Variants in TRMT9B observed in about 807,000 individuals in gnomAD.
TRMT9B encodes the protein tRNA methyltransferase 9B (putative).
TRMT9B carries 16 observed loss-of-function variants against 11.5 expected under a neutral mutation model. The ratio of observed to expected loss-of-function variants is 1.39; its 90% CI spans 0.94 to 2.11. The LOEUF (loss-of-function observed/expected upper bound fraction) is 2.11. Among genes scored for constraint, TRMT9B ranks in the 30% most tolerant of loss-of-function variants. TRMT9B has a pLI of 0.00. For missense variants in TRMT9B, 941 were observed against 553.8 expected (o/e 1.70, Z -7.02); for synonymous variants, 274 against 192.4 (o/e 1.42, Z -3.51).
intron 1 of TRMT9B, among the ~76,000 whole-genome samples, chr8:12,954,544 A>T (rs950813789): frequency 6.6e-6 from 1 of 152,232 alleles, no homozygotes; most frequent in East Asian, 1.9e-4. Flanking sequence ...GGTATAATGC[A>T]TTATTGAAAT....
chr8:12,996,551 A>G (rs918001196), intron 2 of TRMT9B, among the ~76,000 whole-genome samples: 4 of 152,146 alleles, frequency 2.6e-5, no homozygotes, highest in African/African-American at 9.7e-5. Context: ...GTGATCTCCA[A>G]TTTCTAGCTG....
intron 2 of TRMT9B, among the ~76,000 whole-genome samples, chr8:13,005,931 A>G (rs556817161): frequency 1.3e-5 from 2 of 152,256 alleles, no homozygotes; most frequent in Non-Finnish European, 2.9e-5. Flanking sequence ...TTAAGAATTC[A>G]TCTTGTACAG....
chr8:12,987,916 C>G (rs949368627), intron 1 of TRMT9B, among the ~76,000 whole-genome samples: 4 of 152,064 alleles, frequency 2.6e-5, no homozygotes, highest in African/African-American at 9.7e-5. Context: ...AGGATCCCAC[C>G]GCATGTCATT....
At chr8:13,002,467 T>G (rs368346635) in intron 2 of TRMT9B, among the ~76,000 whole-genome samples, 2 of 152,206 alleles carry the variant, frequency 1.3e-5, no homozygotes. Flanking sequence ...CTTCGTAAAT[T>G]TCAGTTGAAG....
chr8:13,003,265 C>T (rs996923375), intron 2 of TRMT9B, among the ~76,000 whole-genome samples: 1 of 152,158 alleles, frequency 6.6e-6, no homozygotes, highest in Non-Finnish European at 1.5e-5. Context: ...TACTTTCATA[C>T]TGATGGGTAA....
chr8:13,014,297 A>C (rs1440056637), intron 4 of TRMT9B, among the ~76,000 whole-genome samples: 1 of 152,216 alleles, frequency 6.6e-6, no homozygotes, highest in Non-Finnish European at 1.5e-5. Flanking sequence ...GCTATAGCAA[A>C]ATACCATAGA....
In TRMT9B at chr8:12,987,704, T is replaced by C. The variant is rs200089849; in HGVS notation, c.-199-3130T>C. On this transcript the variant is annotated intron_variant, in intron 1 of 4. Transcript: ENST00000524591. Reference sequence around the variant, plus strand: ...GAATACCCTGTCTCAAAAAAAAAAATGCATTTAATACAACTAACCTACAGA... The same window carrying C: ...GAATACCCTGTCTCAAAAAAAAAAACGCATTTAATACAACTAACCTACAGA... Among the ~76,000 whole-genome samples the C allele has an allele frequency of 0.013, 1,892 of 148,288 alleles. 100 individuals carry two copies. In the East Asian group the frequency reaches 0.16, roughly 12 times the overall value.
At chr8:13,011,955 G>A in intron 3 of TRMT9B, 2 of 985,328 alleles carry the variant, frequency 2.0e-6, no homozygotes, top group South Asian at 9.4e-5. Context: ...TCAGCAAGTG[G>A]TAAGAATCTT....
Position 13,028,556 on chromosome 8 carries a change from A to ACTTTTCTCTTTT in TRMT9B, c.*6520_*6531dup, listed in dbSNP as rs2128907697. 1 of 57,326 alleles carries ACTTTTCTCTTTT rather than the reference A, an allele frequency of 1.7e-5. No homozygotes were observed. Among genetic ancestry groups the ACTTTTCTCTTTT allele is most frequent in the South Asian group, 6.3e-4 (1 of 1,594 alleles). The allele number at this position is 57,326 out of a possible 1,614,324, so 3.6% of individuals were successfully genotyped here. A position where few individuals can be genotyped will look rare whatever the true frequency, so the allele number is the denominator to read the frequency against. On this transcript the variant is annotated 3_prime_UTR_variant, in exon 5 of 5. Transcript: ENST00000524591. The stretch of plus-strand genomic sequence containing the variant: ...GCAAGAATTTGGCTAAGTGATAAGC[A>ACTTTTCTCTTTT]CTTTTCTCTTTTCTTTTCTTTTTTT...
At position 12,992,736 on chromosome 8, in the gene TRMT9B, C is replaced by T. The variant is rs150478007; in HGVS notation, c.-2+1705C>T. Among the ~76,000 whole-genome samples the T allele has an allele frequency of 2.3e-3, 355 of 151,978 alleles. 1 individual carries two copies. The highest frequency in any genetic ancestry group is 6.8e-3 in the Middle Eastern group (2 of 292). On this transcript the variant is annotated intron_variant, in intron 2 of 4. Transcript: ENST00000524591. The stretch of plus-strand genomic sequence containing the variant: ...AAAAGCCAGGTGTGACGGCATGCAC[C>T]TGTGGTCTTGTGGTCCCAGCTACTC...
chr8:13,005,718 G>A (rs17123313), intron 2 of TRMT9B, among the ~76,000 whole-genome samples: 2,985 of 152,250 alleles, frequency 0.02, 87 homozygotes, highest in African/African-American at 0.068. Flanking sequence ...AAAGAAATGG[G>A]CACCTATACT....
chr8:12,983,738 TC>T (rs1341706889), intron 1 of TRMT9B, among the ~76,000 whole-genome samples: 2 of 152,108 alleles, frequency 1.3e-5, no homozygotes, highest in Non-Finnish European at 2.9e-5. Context: ...CTCTTTTTGG[TC>T]CCTCAACTGC....
At chr8:12,980,181 C>A (rs149562399) in intron 1 of TRMT9B, among the ~76,000 whole-genome samples, 2 of 152,080 alleles carry the variant, frequency 1.3e-5, no homozygotes, top group Non-Finnish European at 2.9e-5. Flanking sequence ...AAGTTGTCAG[C>A]GGGGCCTGCT....
chr8:13,015,830 A>T (rs550225695), intron 4 of TRMT9B, among the ~76,000 whole-genome samples: 1 of 152,130 alleles, frequency 6.6e-6, no homozygotes, highest in African/African-American at 2.4e-5. Flanking sequence ...AATGGAGCAC[A>T]CCTAGTTACC....
intron 1 of TRMT9B, among the ~76,000 whole-genome samples, chr8:12,958,161 G>C (rs1264920814): frequency 6.6e-6 from 1 of 152,156 alleles, no homozygotes; most frequent in African/African-American, 2.4e-5. Context: ...GTGTATATCA[G>C]AATCTCCTTT....
At chr8:13,019,425 G>C (rs1813396895) in intron 4 of TRMT9B, among the ~76,000 whole-genome samples, 1 of 152,182 alleles carries the variant, frequency 6.6e-6, no homozygotes, top group African/African-American at 2.4e-5. Context: ...CTGAGTAGCT[G>C]GAACTACAGG....
intron 1 of TRMT9B, among the ~76,000 whole-genome samples, chr8:12,961,342 A>T (rs993435757): frequency 2.6e-5 from 4 of 152,132 alleles, no homozygotes; most frequent in East Asian, 1.9e-4. Flanking sequence ...ATTTTAATTT[A>T]AAAAAATCAT....
At chr8:13,008,384 G>A (rs1303700073) in intron 3 of TRMT9B, among the ~76,000 whole-genome samples, 2 of 152,166 alleles carry the variant, frequency 1.3e-5, no homozygotes, top group Admixed American at 6.5e-5. Flanking sequence ...AATAGATTAT[G>A]GAAAGGACAC....
intron 2 of TRMT9B, among the ~76,000 whole-genome samples, chr8:13,005,754 G>T (rs568081741): frequency 6.6e-6 from 1 of 152,314 alleles, no homozygotes. Context: ...CTGATACAGA[G>T]ACATGGCTGG....
Sources: allele counts gnomAD v4.1 joint callset (sites outside exome capture counted in the v4.1 genomes callset), GRCh38; gene constraint gnomAD v4.1.1; transcripts MANE v1.5; gene names NCBI Gene and HGNC (gene_info 2026-07-23, HGNC 2026-07-21).